The following THAP12 variants were observed in gnomAD, a reference collection of about 807,000 sequenced individuals.
The protein encoded by THAP12 is 52 kDa repressor of the inhibitor of the protein kinase.
THAP12 carries 20 observed loss-of-function variants against 63.0 expected under a neutral mutation model. The ratio of observed to expected loss-of-function variants is 0.32; its 90% CI spans 0.22 to 0.46. The LOEUF (loss-of-function observed/expected upper bound fraction) is 0.46. Among genes scored for constraint, THAP12 ranks in the 20% least tolerant of loss-of-function variants. The pLI is 1.00. For synonymous variants in THAP12, 264 were observed against 328.4 expected (o/e 0.80, Z 2.12); for missense variants, 568 against 908.2 (o/e 0.63, Z 4.81).
At chr11:76,380,615 G>C (rs977128884) in intron 1 of THAP12, 133 bp downstream of exon 1, 3 of 624,790 alleles carry the variant, frequency 4.8e-6, no homozygotes, top group Admixed American at 4.8e-5. Context: ...TCCAACGCTG[G>C]GGTCGACGGC....
At chr11:76,372,448 C>T (rs1041312067) in intron 1 of THAP12, among the ~76,000 whole-genome samples, 1 of 151,316 alleles carries the variant, frequency 6.6e-6, no homozygotes, top group African/African-American at 2.4e-5. Flanking sequence ...CTCAATCTGT[C>T]GCCCAGGCTG....
Position 76,352,224 on chromosome 11 carries a change from T to G in THAP12, c.926A>C (p.Lys309Thr). 3.7e-6 allele frequency: 6 copies of G among 1,611,670 alleles called. No homozygotes were observed. Among genetic ancestry groups the G allele is most frequent in the Non-Finnish European group, 5.1e-6 (6 of 1,179,718 alleles). The change falls in exon 5 of 5, where the codon AAA (lysine) becomes ACA (threonine). Residue 309 changes from lysine to threonine, a missense_variant. Physicochemically the swap from Lys to Thr is moderately conservative, Grantham distance 78. Coordinates refer to ENST00000260045, the MANE Select transcript of THAP12 (RefSeq NM_004705.4). ...CTTCTCAGTTATCATAGTGTGAAAT[T>G]TCACAGCCAAAATTTCTGCATCGGC... is the stretch of plus-strand genomic sequence containing the variant. ...YEADAEILAV[K>T]FHTMITEKWG...
chr11:76,370,880 T>C (rs774871982), intron 1 of THAP12, among the ~76,000 whole-genome samples: 19 of 150,170 alleles, frequency 1.3e-4, no homozygotes, highest in Non-Finnish European at 2.7e-4. Context: ...TGTTTTCACA[T>C]GTGTATTCAT....
At position 76,378,011 on chromosome 11, in the gene THAP12, T is replaced by C. The variant is rs1294463587; in HGVS notation, c.89+2737A>G. ...AAATGTATTATTTGCAAGTACCTTC[T>C]TCCATTCTTTTCACTTTCTTGGTAA... On this transcript the variant is annotated intron_variant, in intron 1 of 4. Coordinates refer to ENST00000260045, the MANE Select transcript of THAP12 (RefSeq NM_004705.4). 2.0e-5 allele frequency among the ~76,000 whole-genome samples: 3 copies of C among 152,280 alleles called. No individual in the cohort carries two copies. The East Asian group carries it at 5.8e-4, about 29-fold the overall frequency.
Position 76,368,243 on chromosome 11 carries a change from T to C in THAP12, c.90-2271A>G, listed in dbSNP as rs367623658. ...GCCTAATCAAATACACCTGACTTTC[T>C]ATATGAACTACTTAAGAATAAATCT... On this transcript the variant is annotated intron_variant, in intron 1 of 4. Transcript: ENST00000260045. Among the ~76,000 whole-genome samples the C allele has an allele frequency of 4.6e-5, 7 of 152,216 alleles. No individual in the cohort carries two copies. The East Asian group carries it at 1.3e-3, about 29-fold the overall frequency.
rs77593506 is a variant in THAP12, at chr11:76,353,020, G to T, written c.356-226C>A. Among the ~76,000 whole-genome samples, 375 of 152,204 alleles carry T rather than the reference G, an allele frequency of 2.5e-3. 1 individual carries two copies. The highest frequency in any genetic ancestry group is 3.2e-3 in the Non-Finnish European group (221 of 68,014). On this transcript the variant is annotated intron_variant, in intron 4 of 4. Coordinates refer to ENST00000260045, the MANE Select transcript of THAP12 (RefSeq NM_004705.4). ...TGTAAAGAGATATATTTTAATCCTAGATGTAAATGCTGTTACAAGATAGGA... is the reference window on the plus strand; with the variant it reads ...TGTAAAGAGATATATTTTAATCCTATATGTAAATGCTGTTACAAGATAGGA...
At chr11:76,367,825 T>C (rs1254847446) in intron 1 of THAP12, among the ~76,000 whole-genome samples, 1 of 152,186 alleles carries the variant, frequency 6.6e-6, no homozygotes, top group East Asian at 1.9e-4. Flanking sequence ...TAATTCTCTC[T>C]ACTCTAAAAA....
rs377135417 is a variant in THAP12, at chr11:76,373,101, T to C, written c.90-7129A>G. 6.6e-5 allele frequency among the ~76,000 whole-genome samples: 10 copies of C among 152,220 alleles called. No individual in the cohort carries two copies. In the East Asian group the frequency reaches 1.4e-3, roughly 21 times the overall value. On this transcript the variant is annotated intron_variant, in intron 1 of 4. Coordinates refer to ENST00000260045, the MANE Select transcript of THAP12 (RefSeq NM_004705.4). The stretch of plus-strand genomic sequence containing the variant: ...AATGTATATATAACAGAGAAGTATA[T>C]AACAGAGCAGTGCCTGTCACAAAGA...
chr11:76,355,106 T>G (rs1285307541), intron 4 of THAP12, among the ~76,000 whole-genome samples: 1 of 152,182 alleles, frequency 6.6e-6, no homozygotes, highest in East Asian at 1.9e-4. Flanking sequence ...GAGGAGTAAC[T>G]AATAACTGAC....
chr11:76,373,681 C>T (rs925470038), intron 1 of THAP12, among the ~76,000 whole-genome samples: 1 of 149,306 alleles, frequency 6.7e-6, no homozygotes, highest in East Asian at 2.0e-4. Context: ...ATGCTCCTGC[C>T]ACTGCACTCC....
At chr11:76,363,741 G>A (rs749819393) in intron 2 of THAP12, among the ~76,000 whole-genome samples, 3 of 151,978 alleles carry the variant, frequency 2.0e-5, no homozygotes, top group Non-Finnish European at 2.9e-5. Flanking sequence ...CGTGTGCACC[G>A]CCATGCCCAG....
rs368914223 is a variant in THAP12 at position 76,358,004 on chromosome 11, T to G, written c.319-2350A>C. On this transcript the variant is annotated intron_variant, in intron 3 of 4. Coordinates refer to ENST00000260045, the MANE Select transcript of THAP12 (RefSeq NM_004705.4). The stretch of plus-strand genomic sequence containing the variant: ...ATCACTGACAAAACTACTGGTTCTT[T>G]GAAAAGATTATTAAAGTTTCATAAA... 33 of 152,240 alleles carry G rather than the reference T, an allele frequency of 2.2e-4. No individual in the cohort carries two copies. In the East Asian group the frequency reaches 3.3e-3, roughly 15 times the overall value. 9.4% of individuals were successfully genotyped at this position (152,240 alleles called of 1,614,324 possible).
chr11:76,375,231 A>G (rs1376017060), intron 1 of THAP12, among the ~76,000 whole-genome samples: 10 of 152,084 alleles, frequency 6.6e-5, no homozygotes, highest in African/African-American at 2.4e-4. Flanking sequence ...CTGCCTGAGG[A>G]GGAAGAAGAG....
chr11:76,363,428 T>C (rs1388436460), intron 2 of THAP12, among the ~76,000 whole-genome samples: 2 of 152,120 alleles, frequency 1.3e-5, no homozygotes, highest in African/African-American at 4.8e-5. Context: ...AGGCTGGCTC[T>C]GAATTCCTAG....
At chr11:76,371,687 G>A (rs975702311) in intron 1 of THAP12, among the ~76,000 whole-genome samples, 32 of 151,206 alleles carry the variant, frequency 2.1e-4, no homozygotes, top group Non-Finnish European at 3.8e-4. Context: ...CTTAATCAAT[G>A]CCAAGGAGGC....
At chr11:76,353,022 T>C (rs1268895246) in intron 4 of THAP12, among the ~76,000 whole-genome samples, 1 of 152,156 alleles carries the variant, frequency 6.6e-6, no homozygotes, top group Admixed American at 6.5e-5. Flanking sequence ...TAATCCTAGA[T>C]GTAAATGCTG....
chr11:76,352,829 C>T (rs778791921), intron 4 of THAP12, 35 bp from the exon 5 acceptor site: 2 of 1,500,630 alleles, frequency 1.3e-6, no homozygotes, highest in Non-Finnish European at 1.8e-6. Flanking sequence ...CAAACAGGCT[C>T]ATGAAAAACC....
intron 1 of THAP12, among the ~76,000 whole-genome samples, chr11:76,366,204 A>G (rs1372037822): frequency 6.6e-6 from 1 of 152,108 alleles, no homozygotes; most frequent in African/African-American, 2.4e-5. Context: ...TTTGGAGGGA[A>G]GTACAAAATC....
At position 76,352,643 on chromosome 11, in the gene THAP12, T is replaced by C. The variant is rs368836300; in HGVS notation, c.507A>G (p.Leu169=). ...TTCCCATCAGAATCAAGATTTCAAATAGAGATTTTAGGTATTCTTTGTTTT... is the reference window on the plus strand; with the variant it reads ...TTCCCATCAGAATCAAGATTTCAAACAGAGATTTTAGGTATTCTTTGTTTT... The part of the protein sequence containing the change: ...EKENKEYLKS[L]FEILILMGKQ... Residue 169 remains leucine, a synonymous_variant, in exon 5 of 5, where the codon CTA becomes CTG. Coordinates refer to ENST00000260045, the MANE Select transcript of THAP12 (RefSeq NM_004705.4). The C allele has an allele frequency of 4.3e-6, 7 of 1,611,906 alleles. No homozygotes were observed. Among genetic ancestry groups the C allele is most frequent in the African/African-American group, 4.0e-5 (3 of 74,864 alleles).
Sources: gnomAD v4.1 joint callset for allele counts (sites outside exome capture counted in the v4.1 genomes callset) on GRCh38, gnomAD v4.1.1 for gene constraint, MANE v1.5 for transcripts, NCBI Gene and HGNC (gene_info 2026-07-23, HGNC 2026-07-21) for gene names.